MME: variants seen among roughly 807,000 people sequenced by gnomAD.
The protein encoded by MME is neprilysin.
Under a neutral mutation model 113.2 loss-of-function variants are expected in MME, and 98 were observed. The ratio of observed to expected loss-of-function variants is 0.87; its 90% CI spans 0.74 to 1.02. The LOEUF is 1.02. MME is among the 50% of genes least tolerant of loss of function. The pLI, the probability that MME is intolerant of heterozygous loss-of-function variation, is 0.00. For synonymous variants in MME, 292 were observed against 300.6 expected, an observed-to-expected ratio of 0.97 and a Z score of 0.30; for missense variants, 836 against 896.0, an observed-to-expected ratio of 0.93 and a Z score of 0.86.
chr3:155,126,431 T>G (rs1719664440), intron 8 of MME, among the ~76,000 whole-genome samples: 1 of 152,000 alleles, frequency 6.6e-6, no homozygotes, highest in Non-Finnish European at 1.5e-5. Context: ...ATTGTTAAGA[T>G]GTTGCATTTT....
intron 1 of MME, among the ~76,000 whole-genome samples, chr3:155,074,134 G>C (rs1714668976): frequency 6.6e-6 from 1 of 151,042 alleles, no homozygotes; most frequent in South Asian, 2.1e-4. Flanking sequence ...ATTTTAATTT[G>C]AAGGTAAAAG....
At chr3:155,153,291 C>T (rs866237277) in intron 16 of MME, among the ~76,000 whole-genome samples, 2 of 151,844 alleles carry the variant, frequency 1.3e-5, no homozygotes, top group African/African-American at 2.4e-5. Flanking sequence ...CCTTCTAAAG[C>T]GATTTAAATT....
intron 3 of MME, among the ~76,000 whole-genome samples, chr3:155,106,146 A>G (rs1033360521): frequency 4.6e-5 from 7 of 152,202 alleles, no homozygotes; most frequent in African/African-American, 9.7e-5. Context: ...TAAATTCACT[A>G]TGCTTGGAAA....
Position 155,140,097 on chromosome 3 carries a change from G to A in MME, c.856-94G>A, listed in dbSNP as rs1219093155. ...AAGTACAGAATAGGACTTAAATTATGTTGTACCTATCCTATATTTTTACCC... is the reference window on the plus strand; with the variant it reads ...AAGTACAGAATAGGACTTAAATTATATTGTACCTATCCTATATTTTTACCC... On this transcript the variant is annotated intron_variant, in intron 9 of 22. Transcript: ENST00000360490. 8.7e-6 allele frequency: 7 copies of A among 800,406 alleles called. No individual in the cohort carries two copies. In the African/African-American group the frequency reaches 8.8e-5, roughly 10 times the overall value. The allele number at this position is 800,406 out of a possible 1,614,324, so 49.6% of individuals were successfully genotyped here. A position where few individuals can be genotyped will look rare whatever the true frequency, so the allele number is the denominator to read the frequency against.
Position 155,133,831 on chromosome 3 carries a change from GAGATATATCTCAGT to G in MME, c.721-4266_721-4253del, listed in dbSNP as rs1720404237. Among the ~76,000 whole-genome samples, 6 of 146,080 alleles carry G rather than the reference GAGATATATCTCAGT, an allele frequency of 4.1e-5. No individual in the cohort carries two copies. The South Asian group carries it at 1.3e-3, about 32-fold the overall frequency. On this transcript the variant is annotated intron_variant, in intron 8 of 22. Coordinates refer to ENST00000360490, the MANE Select transcript of MME (RefSeq NM_007289.4). Reference sequence around the variant, plus strand: ...ATCAATTTTCCAATATCAATCTACTGAGATATATCTCAGTAGATTGATATTGGAAAATTCGAACT... The same window carrying G: ...ATCAATTTTCCAATATCAATCTACTGAGATTGATATTGGAAAATTCGAACT...
intron 1 of MME, among the ~76,000 whole-genome samples, chr3:155,064,182 G>A (rs1413211436): frequency 6.6e-6 from 1 of 151,926 alleles, no homozygotes; most frequent in Non-Finnish European, 1.5e-5. Context: ...CCAGGTAGTC[G>A]GGAGGCTGAG....
intron 3 of MME, among the ~76,000 whole-genome samples, chr3:155,107,065 C>T (rs1354266736): frequency 2.0e-5 from 3 of 152,280 alleles, no homozygotes; most frequent in African/African-American, 4.8e-5. Context: ...TAAGAATAGT[C>T]AATGGAGGGA....
At chr3:155,138,373 T>C (rs1187302911) in intron 9 of MME, 137 bp downstream of exon 9, 2 of 844,144 alleles carry the variant, frequency 2.4e-6, no homozygotes, top group Non-Finnish European at 3.7e-6. Flanking sequence ...TAATAGATCA[T>C]TGACTTCAAA....
intron 1 of MME, among the ~76,000 whole-genome samples, chr3:155,055,105 CA>C (rs939153294): frequency 2.2e-4 from 33 of 151,938 alleles, no homozygotes; most frequent in Admixed American, 1.3e-3. Flanking sequence ...TATGTGTTCA[CA>C]AAAAGACATG....
intron 1 of MME, among the ~76,000 whole-genome samples, chr3:155,052,168 A>C (rs1006163478): frequency 6.6e-6 from 1 of 152,182 alleles, no homozygotes; most frequent in East Asian, 1.9e-4. Flanking sequence ...TTTCCAGGGT[A>C]CAGTCCCGCA....
intron 8 of MME, among the ~76,000 whole-genome samples, chr3:155,125,642 G>A (rs1719588978): frequency 6.6e-6 from 1 of 151,644 alleles, no homozygotes; most frequent in African/African-American, 2.4e-5. Flanking sequence ...TGTATTTTTA[G>A]TAGAGACGGG....
At chr3:155,167,668 A>C (rs1033297358) in intron 18 of MME, among the ~76,000 whole-genome samples, 1 of 152,208 alleles carries the variant, frequency 6.6e-6, no homozygotes, top group African/African-American at 2.4e-5. Flanking sequence ...CTTAATCCCC[A>C]TTTTAGAGAG....
At chr3:155,087,447 C>A (rs186961503) in intron 3 of MME, among the ~76,000 whole-genome samples, 11 of 152,076 alleles carry the variant, frequency 7.2e-5, no homozygotes, top group African/African-American at 2.2e-4. Flanking sequence ...TGCACAGGTA[C>A]CTTGGCTGGG....
intron 22 of MME, among the ~76,000 whole-genome samples, chr3:155,175,738 G>T (rs541711013): frequency 7.3e-5 from 11 of 150,812 alleles, no homozygotes; most frequent in South Asian, 4.2e-4. Flanking sequence ...CTAATATTTT[G>T]AAGGAATATT....
At chr3:155,129,662 T>C (rs562994057) in intron 8 of MME, among the ~76,000 whole-genome samples, 143 of 152,354 alleles carry the variant, frequency 9.4e-4, no homozygotes, top group African/African-American at 3.2e-3. Flanking sequence ...CTTCTTGTGC[T>C]ATATCTTTGT....
At chr3:155,089,289 C>T (rs534593151) in intron 3 of MME, among the ~76,000 whole-genome samples, 5 of 152,238 alleles carry the variant, frequency 3.3e-5, no homozygotes, top group South Asian at 4.1e-4. Flanking sequence ...CAGACTTTTC[C>T]GTGTAAGTCT....
At chr3:155,082,181 C>T (rs1267147986) in intron 1 of MME, among the ~76,000 whole-genome samples, 1 of 152,120 alleles carries the variant, frequency 6.6e-6, no homozygotes, top group Non-Finnish European at 1.5e-5. Flanking sequence ...TGTAATTTAA[C>T]CCTGAGGCTG....
At position 155,168,535 on chromosome 3, in the gene MME, T is replaced by TCAA. The variant is rs1711567872; in HGVS notation, c.1827_1829dup (p.Gln610dup). ...ATGGAGACCTCGTTGACTGGTGGAC[T>TCAA]CAACAGTCTGCAAGTAACTTTAAGG... On this transcript the variant is annotated inframe_insertion, in exon 19 of 23. Coordinates refer to ENST00000360490, the MANE Select transcript of MME (RefSeq NM_007289.4). 1.9e-6 allele frequency: 3 copies of TCAA among 1,612,894 alleles called. No homozygotes were observed. In the African/African-American group the frequency reaches 4.0e-5, roughly 22 times the overall value.
intron 17 of MME, among the ~76,000 whole-genome samples, chr3:155,164,327 G>A (rs988082862): frequency 9.2e-5 from 14 of 152,146 alleles, no homozygotes; most frequent in Admixed American, 7.2e-4. Flanking sequence ...TTGCTTCATG[G>A]CCCAATGACT....
Sources: allele counts gnomAD v4.1 joint callset (sites outside exome capture counted in the v4.1 genomes callset), GRCh38; gene constraint gnomAD v4.1.1; transcripts MANE v1.5; gene names NCBI Gene and HGNC (gene_info 2026-07-23, HGNC 2026-07-21).